The following USP32 variants were observed in gnomAD, a reference collection of about 807,000 sequenced individuals.
USP32 encodes ubiquitin carboxyl-terminal hydrolase 32.
USP32 carries 59 observed loss-of-function variants against 204.8 expected under a neutral mutation model. That is an observed-to-expected ratio of 0.29 (90% CI 0.23 to 0.36). The LOEUF (loss-of-function observed/expected upper bound fraction) is 0.36. Ranked by LOEUF, USP32 falls within the 10% of genes least tolerant of loss-of-function variation. The pLI, the probability that USP32 is intolerant of heterozygous loss-of-function variation, is 1.00. For synonymous variants in USP32, 517 were observed against 678.4 expected (o/e 0.76, Z 3.70); for missense variants, 1,160 against 1,946.4 (o/e 0.60, Z 7.60).
intron 1 of USP32, among the ~76,000 whole-genome samples, chr17:60,348,995 C>T (rs897764021): frequency 5.9e-5 from 9 of 151,802 alleles, no homozygotes; most frequent in African/African-American, 1.2e-4. Flanking sequence ...ACTTTGGCTG[C>T]GGAATATGTA....
chr17:60,392,059 C>A lies in USP32; in HGVS notation c.-120G>T. On this transcript the variant is annotated 5_prime_UTR_variant, in exon 1 of 34. Coordinates refer to ENST00000300896, the MANE Select transcript of USP32 (RefSeq NM_032582.4). ...GTCGGCGTCCCCCGCCCCCACCTCC[C>A]CCCACACTAACAAGTGCGGCTTCTG... The A allele has an allele frequency of 8.4e-7, 1 of 1,195,978 alleles. No individual in the cohort carries two copies. Among genetic ancestry groups the A allele is most frequent in the Non-Finnish European group, 1.2e-6 (1 of 859,852 alleles). The allele number at this position is 1,195,978 out of a possible 1,614,324, so 74.1% of individuals were successfully genotyped here.
chr17:60,328,962 T>A (rs2088311180), intron 2 of USP32, among the ~76,000 whole-genome samples: 1 of 152,106 alleles, frequency 6.6e-6, no homozygotes, highest in Non-Finnish European at 1.5e-5. Context: ...GCAGTCTCCC[T>A]TGGAGGCATG....
chr17:60,234,295 A>G (rs2085654724), intron 12 of USP32, among the ~76,000 whole-genome samples: 1 of 151,286 alleles, frequency 6.6e-6, no homozygotes, highest in Admixed American at 6.6e-5. Context: ...TTGTATTTTC[A>G]GTAGAGACGG....
At chr17:60,347,655 C>A (rs2088822787) in intron 1 of USP32, among the ~76,000 whole-genome samples, 1 of 150,178 alleles carries the variant, frequency 6.7e-6, no homozygotes, top group Non-Finnish European at 1.5e-5. Context: ...GCCCGGCCTA[C>A]ACCTGGCTAA....
chr17:60,237,679 T>C (rs2145644004), intron 11 of USP32, among the ~76,000 whole-genome samples: 1 of 152,358 alleles, frequency 6.6e-6, no homozygotes, highest in Non-Finnish European at 1.5e-5. Flanking sequence ...AATGGGATGA[T>C]TCAACATATG....
rs940465944 is a variant in USP32, at chr17:60,392,133, G to A, written c.-194C>T. On this transcript the variant is annotated 5_prime_UTR_variant, in exon 1 of 34. Coordinates refer to ENST00000300896, the MANE Select transcript of USP32 (RefSeq NM_032582.4). ...CGCCACCGCCTCCATGCCGGATCAC[G>A]TGACTCTTCCGCCCCGCCCCCTTCC... 1.6e-5 allele frequency: 9 copies of A among 560,902 alleles called. No homozygotes were observed. Among genetic ancestry groups the A allele is most frequent in the South Asian group, 4.3e-5 (2 of 46,182 alleles). The allele number at this position is 560,902 out of a possible 1,614,324, so 34.7% of individuals were successfully genotyped here. A position where few individuals can be genotyped will look rare whatever the true frequency, so the allele number is the denominator to read the frequency against.
At chr17:60,294,577 GT>G in intron 4 of USP32, 105 bp downstream of exon 4, 1 of 605,000 alleles carries the variant, frequency 1.7e-6, no homozygotes, top group South Asian at 3.3e-5. Flanking sequence ...AATGCCAAGA[GT>G]AATCTGCACA....
intron 1 of USP32, among the ~76,000 whole-genome samples, chr17:60,375,393 A>G (rs1189779962): frequency 6.6e-6 from 1 of 152,014 alleles, no homozygotes; most frequent in African/African-American, 2.4e-5. Flanking sequence ...ACTACATATA[A>G]TATAGATTTA....
chr17:60,288,038 C>T (rs900839238), intron 5 of USP32, among the ~76,000 whole-genome samples: 4 of 130,416 alleles, frequency 3.1e-5, no homozygotes, highest in African/African-American at 5.9e-5. Context: ...GGCGTGAACC[C>T]GGGAGGTGGA....
rs2084905867 is a variant in USP32 at position 60,209,489 on chromosome 17, G to C, written c.2479C>G (p.Gln827Glu). Reference protein sequence around the residue: ...RFNGFQQQDSQELLAFLLDGL... With the variant: ...RFNGFQQQDSEELLAFLLDGL... ...TCCAAGAGAAAAGCCAGAAGTTCTT[G>C]GGAGTCCTGTTGCTGAAACCCATTA... is the stretch of plus-strand genomic sequence containing the variant. The change falls in exon 22 of 34, where the codon CAA becomes GAA. Residue 827 changes from glutamine to glutamate, a missense_variant. This residue lies in a region of USP32 where 132 missense variants were observed against 432.8 expected (regional missense o/e 0.30). Transcript: ENST00000300896. The C allele has an allele frequency of 6.2e-7, 1 of 1,602,734 alleles. No individual in the cohort carries two copies.
intron 29 of USP32, among the ~76,000 whole-genome samples, chr17:60,189,400 G>A (rs2145398645): frequency 6.6e-6 from 1 of 152,260 alleles, no homozygotes; most frequent in Non-Finnish European, 1.5e-5. Context: ...TATCCAAAGG[G>A]AATGCTTTAA....
chr17:60,332,376 G>A (rs891274769), intron 2 of USP32, among the ~76,000 whole-genome samples: 2 of 151,788 alleles, frequency 1.3e-5, no homozygotes, highest in Non-Finnish European at 1.5e-5. Context: ...GGCCGGACGC[G>A]GTGGCTCAAG....
chr17:60,234,334 C>T (rs1251183203), intron 12 of USP32, among the ~76,000 whole-genome samples: 1 of 151,040 alleles, frequency 6.6e-6, no homozygotes, highest in Non-Finnish European at 1.5e-5. Flanking sequence ...AGGATGGTCT[C>T]GATCTCCCGA....
chr17:60,325,191 A>T (rs8076014), intron 2 of USP32, among the ~76,000 whole-genome samples: 19,401 of 152,150 alleles, frequency 0.13, 2,573 homozygotes, highest in African/African-American at 0.33. Flanking sequence ...AGGAGGGCAG[A>T]TCACTTGAAG....
At position 60,227,061 on chromosome 17, in the gene USP32, T is replaced by C. The variant is rs868549481; in HGVS notation, c.1240-830A>G. 1.2e-3 allele frequency among the ~76,000 whole-genome samples: 152 copies of C among 122,802 alleles called. 2 individuals carry two copies. In the Middle Eastern group the frequency reaches 0.016, roughly 13 times the overall value. 80.6% of individuals were successfully genotyped at this position (122,802 alleles called of 152,430 possible). A position where few individuals can be genotyped will look rare whatever the true frequency, so the allele number is the denominator to read the frequency against. ...TCAAAAAAAAAAAAAAAAAAAAAAA[T>C]CATATTTTTTTCTTTCACCAAACAT... On this transcript the variant is annotated intron_variant, in intron 12 of 33. Transcript: ENST00000300896.
chr17:60,213,706 C>T, intron 17 of USP32, 44 bp from the exon 18 acceptor site: 1 of 1,343,768 alleles, frequency 7.4e-7, no homozygotes, highest in Non-Finnish European at 1.0e-6. Context: ...GGTTAGTAAA[C>T]TTGAAACAAA....
chr17:60,281,091 C>G (rs143506662), intron 5 of USP32, among the ~76,000 whole-genome samples: 7 of 152,316 alleles, frequency 4.6e-5, no homozygotes, highest in African/African-American at 1.7e-4. Context: ...TTCCACAAAT[C>G]TGGGCAAGTT....
chr17:60,203,620 A>G (rs968543615), intron 26 of USP32, among the ~76,000 whole-genome samples: 1 of 151,938 alleles, frequency 6.6e-6, no homozygotes, highest in African/African-American at 2.4e-5. Context: ...CTTGTCGCCC[A>G]GGCTGGAGTG....
At chr17:60,350,919 C>CA (rs2088932093) in intron 1 of USP32, among the ~76,000 whole-genome samples, 3 of 151,536 alleles carry the variant, frequency 2.0e-5, no homozygotes, top group Admixed American at 1.3e-4. Context: ...CTCACAAAGA[C>CA]AAAAATAGGA....
Sources: allele counts gnomAD v4.1 joint callset (sites outside exome capture counted in the v4.1 genomes callset), GRCh38; gene constraint gnomAD v4.1.1; regional missense constraint gnomAD v4.1.1; transcripts MANE v1.5; gene names NCBI Gene and HGNC (gene_info 2026-07-23, HGNC 2026-07-21).